AP1S3: variants seen among roughly 807,000 people sequenced by gnomAD.
AP1S3 encodes the protein adaptor related protein complex 1 subunit sigma 3.
Under a neutral mutation model 20.9 loss-of-function variants are expected in AP1S3, and 10 were observed. The observed-to-expected ratio is 0.48, with a 90% CI of 0.29 to 0.81. AP1S3 has a LOEUF of 0.81. Among genes scored for constraint, AP1S3 ranks in the 30% least tolerant of loss-of-function variants. The pLI, the probability that AP1S3 is intolerant of heterozygous loss-of-function variation, is 0.08. For missense variants in AP1S3, 154 were observed against 183.8 expected (o/e 0.84, Z 0.94); for synonymous variants, 41 against 61.5 (o/e 0.67, Z 1.56).
chr2:223,756,367 A>G lies in AP1S3; in HGVS notation c.*2348T>C. ...GAAAAGAAAAGAAAAGAGAAAAAGAAAGAAAGAAAGGAGGGAGGGAGGAAG... is the reference window on the plus strand; with the variant it reads ...GAAAAGAAAAGAAAAGAGAAAAAGAGAGAAAGAAAGGAGGGAGGGAGGAAG... On this transcript the variant is annotated 3_prime_UTR_variant, in exon 5 of 5. Coordinates refer to ENST00000396654, the MANE Select transcript of AP1S3 (RefSeq NM_001039569.2). The G allele has an allele frequency of 6.2e-6, 2 of 323,162 alleles. No homozygotes were observed. Among genetic ancestry groups the G allele is most frequent in the Non-Finnish European group, 8.7e-6 (2 of 228,838 alleles). 20.0% of individuals were successfully genotyped at this position (323,162 alleles called of 1,614,324 possible). A position where few individuals can be genotyped will look rare whatever the true frequency, so the allele number is the denominator to read the frequency against.
intron 3 of AP1S3, among the ~76,000 whole-genome samples, chr2:223,772,022 G>A (rs1690641463): frequency 6.6e-6 from 1 of 152,270 alleles, no homozygotes; most frequent in Non-Finnish European, 1.5e-5. Flanking sequence ...TAGGAGAATC[G>A]CTTGAACCCG....
At chr2:223,770,431 T>C in intron 3 of AP1S3, 1 of 1,487,270 alleles carries the variant, frequency 6.7e-7, no homozygotes, top group African/African-American at 1.4e-5. Context: ...ATGGGGCAAT[T>C]AATTTACTGT....
intron 1 of AP1S3, among the ~76,000 whole-genome samples, chr2:223,782,481 T>G (rs568216300): frequency 3.0e-4 from 46 of 152,214 alleles, no homozygotes; most frequent in African/African-American, 1.1e-3. Context: ...TAGATCAACG[T>G]TGGAAGTTTT....
intron 3 of AP1S3, 132 bp from the exon 4 acceptor site, chr2:223,765,482 G>A (rs1690454905): frequency 4.2e-6 from 4 of 953,788 alleles, no homozygotes; most frequent in African/African-American, 1.7e-5. Context: ...GGCATTTTAA[G>A]GACAGAAAAA....
Position 223,756,897 on chromosome 2 carries a change from G to T in AP1S3, c.*1818C>A. 1 of 985,104 alleles carries T rather than the reference G, an allele frequency of 1.0e-6. No individual in the cohort carries two copies. Among genetic ancestry groups the T allele is most frequent in the Non-Finnish European group, 1.2e-6 (1 of 829,904 alleles). 61.0% of individuals were successfully genotyped at this position (985,104 alleles called of 1,614,324 possible). The stretch of plus-strand genomic sequence containing the variant: ...GGTCCCAAACCACTCTAATATGAAT[G>T]ATACCAGACCTCAAAGCTAACATTG... On this transcript the variant is annotated 3_prime_UTR_variant, in exon 5 of 5. Coordinates refer to ENST00000396654, the MANE Select transcript of AP1S3 (RefSeq NM_001039569.2).
In AP1S3 at chr2:223,830,478, C is replaced by CAA. The variant is rs11359575; in HGVS notation, c.3+6968_3+6969dup. On this transcript the variant is annotated intron_variant, in intron 1 of 4. Transcript: ENST00000396654. The stretch of plus-strand genomic sequence containing the variant: ...TGGGTGACAGAGTGAGACTCTCTCT[C>CAA]AAAAAAAAAAAAAAAAAAATTATCA... Among the ~76,000 whole-genome samples, 684 of 116,158 alleles carry CAA rather than the reference C, an allele frequency of 5.9e-3. 5 individuals are homozygous for CAA. Among genetic ancestry groups the CAA allele is most frequent in the African/African-American group, 0.021 (650 of 31,004 alleles). The allele number at this position is 116,158 out of a possible 152,430, so 76.2% of individuals were successfully genotyped here.
At position 223,822,661 on chromosome 2, in the gene AP1S3, G is replaced by A. The variant is rs977662954; in HGVS notation, c.3+14787C>T. Reference sequence around the variant, plus strand: ...ATCGCGCCATTGCACTCCAGCCTGGGCAATAAGAGCAAAACTCCATCTCAA... The same window carrying A: ...ATCGCGCCATTGCACTCCAGCCTGGACAATAAGAGCAAAACTCCATCTCAA... On this transcript the variant is annotated intron_variant, in intron 1 of 4. Coordinates refer to ENST00000396654, the MANE Select transcript of AP1S3 (RefSeq NM_001039569.2). Among the ~76,000 whole-genome samples the A allele has an allele frequency of 2.6e-5, 4 of 152,018 alleles. No individual in the cohort carries two copies. In the South Asian group the frequency reaches 6.2e-4, roughly 24 times the overall value.
At chr2:223,761,368 C>T (rs1184726492) in intron 4 of AP1S3, among the ~76,000 whole-genome samples, 3 of 152,172 alleles carry the variant, frequency 2.0e-5, no homozygotes, top group South Asian at 2.1e-4. Context: ...CTAGCAGTTT[C>T]GCCTGCATCC....
intron 1 of AP1S3, among the ~76,000 whole-genome samples, chr2:223,795,297 G>C (rs1470847753): frequency 2.0e-5 from 3 of 152,116 alleles, no homozygotes; most frequent in Non-Finnish European, 2.9e-5. Context: ...ATCTGCTGAA[G>C]CCTTTTGTAA....
chr2:223,807,825 CTTTTTTT>C (rs534470974), intron 1 of AP1S3, among the ~76,000 whole-genome samples: 1 of 79,874 alleles, frequency 1.3e-5, no homozygotes, highest in Non-Finnish European at 2.7e-5. Context: ...AATTGAGCCT[CTTTTTTT>C]TTTTATGAAT....
Position 223,758,568 on chromosome 2 carries a change from A to G in AP1S3, c.*147T>C, listed in dbSNP as rs1302516805. ...CACATAGTAATTATAAATATGTTAAACAACTTTAACTTTGTTAGTTAACAA... is the reference window on the plus strand; with the variant it reads ...CACATAGTAATTATAAATATGTTAAGCAACTTTAACTTTGTTAGTTAACAA... On this transcript the variant is annotated 3_prime_UTR_variant, in exon 5 of 5. Coordinates refer to ENST00000396654, the MANE Select transcript of AP1S3 (RefSeq NM_001039569.2). 7.4e-7 allele frequency: 1 copy of G among 1,352,818 alleles called. No individual in the cohort carries two copies. Among genetic ancestry groups the G allele is most frequent in the African/African-American group, 1.5e-5 (1 of 66,658 alleles). The allele number at this position is 1,352,818 out of a possible 1,614,324, so 83.8% of individuals were successfully genotyped here.
In AP1S3 at chr2:223,757,075, T is replaced by C; in HGVS notation, c.*1640A>G. On this transcript the variant is annotated 3_prime_UTR_variant, in exon 5 of 5. Coordinates refer to ENST00000396654, the MANE Select transcript of AP1S3 (RefSeq NM_001039569.2). ...TATGACCTTGGCTCACTGCAACCTC[T>C]GCCTCCTGGGTTCAAGCCATTCCCC... 2 of 853,510 alleles carry C rather than the reference T, an allele frequency of 2.3e-6. No individual in the cohort carries two copies. The highest frequency in any genetic ancestry group is 2.8e-6 in the Non-Finnish European group (2 of 709,912). 52.9% of individuals were successfully genotyped at this position (853,510 alleles called of 1,614,324 possible).
intron 1 of AP1S3, among the ~76,000 whole-genome samples, chr2:223,799,019 C>T (rs770083663): frequency 2.0e-5 from 3 of 152,024 alleles, no homozygotes; most frequent in Admixed American, 6.6e-5. Context: ...TTGCATGGAG[C>T]GAGATTGCGC....
chr2:223,786,601 A>C (rs748248640), intron 1 of AP1S3, among the ~76,000 whole-genome samples: 9 of 151,982 alleles, frequency 5.9e-5, no homozygotes, highest in African/African-American at 2.2e-4. Context: ...ACAAAAAAAA[A>C]GTTATTAAAT....
At position 223,755,503 on chromosome 2, in the gene AP1S3, C is replaced by T. The variant is rs1690188863; in HGVS notation, c.*3212G>A. Among the ~76,000 whole-genome samples, 1 of 150,924 alleles carries T rather than the reference C, an allele frequency of 6.6e-6. No individual in the cohort carries two copies. Among genetic ancestry groups the T allele is most frequent in the Non-Finnish European group, 1.5e-5 (1 of 67,892 alleles). ...AATCCCTCAAATTTACCCCACTGTG[C>T]CATATAGATATGTTTACTTACTTTC... On this transcript the variant is annotated 3_prime_UTR_variant, in exon 5 of 5. Transcript: ENST00000396654.
At chr2:223,830,783 T>C (rs997190710) in intron 1 of AP1S3, among the ~76,000 whole-genome samples, 5 of 152,182 alleles carry the variant, frequency 3.3e-5, no homozygotes, top group African/African-American at 1.2e-4. Context: ...CTTAACTGAC[T>C]GTACTAGGTC....
At chr2:223,836,564 AC>A (rs1307306463) in intron 1 of AP1S3, among the ~76,000 whole-genome samples, 1 of 152,118 alleles carries the variant, frequency 6.6e-6, no homozygotes, top group Non-Finnish European at 1.5e-5. Flanking sequence ...ACATGGTGAA[AC>A]CCCGTCTCTA....
intron 1 of AP1S3, among the ~76,000 whole-genome samples, chr2:223,802,321 G>T (rs1313805558): frequency 3.4e-5 from 5 of 148,828 alleles, no homozygotes; most frequent in African/African-American, 1.0e-4. Context: ...TTTTTTTTTG[G>T]AGACAGAGTC....
chr2:223,761,517 C>T (rs996299824), intron 4 of AP1S3, among the ~76,000 whole-genome samples: 2 of 152,006 alleles, frequency 1.3e-5, no homozygotes, highest in Non-Finnish European at 2.9e-5. Flanking sequence ...CTTGACCTCT[C>T]GGGCTCAAGT....
Sources: gnomAD v4.1 joint callset for allele counts (sites outside exome capture counted in the v4.1 genomes callset) on GRCh38, gnomAD v4.1.1 for gene constraint, MANE v1.5 for transcripts, NCBI Gene and HGNC (gene_info 2026-07-23, HGNC 2026-07-21) for gene names.